The following TSFM variants were observed in gnomAD, a reference collection of about 807,000 sequenced individuals.
TSFM encodes the protein elongation factor Ts, mitochondrial.
In TSFM, 29 loss-of-function variants were observed where a neutral mutation model predicts 33.4. That is an observed-to-expected ratio of 0.87 (90% confidence interval 0.65 to 1.18). The LOEUF is 1.18. Ranked by LOEUF, TSFM falls within the 50% of genes most tolerant of loss-of-function variation. The pLI is 0.00. For synonymous variants in TSFM, 178 were observed against 163.5 expected (o/e 1.09, Z -0.68); for missense variants, 394 against 395.6 (o/e 1.00, Z 0.04).
downstream of TSFM, chr12:57,801,157 A>C (rs769090713): frequency 6.2e-7 from 1 of 1,613,720 alleles, no homozygotes; most frequent in Non-Finnish European, 8.5e-7. Flanking sequence ...AGTGATTCGC[A>C]TGATAGCAGC....
chr12:57,790,174 G>A (rs1376552538), intron 4 of TSFM, among the ~76,000 whole-genome samples: 1 of 148,618 alleles, frequency 6.7e-6, no homozygotes, highest in Non-Finnish European at 1.5e-5. Flanking sequence ...GGTTCAAGCA[G>A]TTCTCCTGCC....
intron 2 of TSFM, among the ~76,000 whole-genome samples, chr12:57,785,280 T>C (rs1343860891): frequency 6.6e-6 from 1 of 152,080 alleles, no homozygotes; most frequent in African/African-American, 2.4e-5. Context: ...CACAAACACA[T>C]ACATTAGCCT....
downstream of TSFM, chr12:57,798,024 G>C (rs1366067137): frequency 8.5e-6 from 13 of 1,525,126 alleles, no homozygotes; most frequent in African/African-American, 1.5e-4. Context: ...TTTCTAGTTA[G>C]AAGGAAGACA....
At position 57,797,319 on chromosome 12, in the gene TSFM, C is replaced by G; in HGVS notation, c.*736C>G. On this transcript the variant is annotated 3_prime_UTR_variant, in exon 6 of 6. Transcript: ENST00000652027. ...CTTCCCCAGTACTGAAACATTTCTT[C>G]AAGTATAACATAAAATTACCGTAAC... The G allele has an allele frequency of 1.0e-6, 1 of 985,350 alleles. No individual in the cohort carries two copies. Among genetic ancestry groups the G allele is most frequent in the Non-Finnish European group, 1.2e-6 (1 of 829,922 alleles). 61.0% of individuals were successfully genotyped at this position (985,350 alleles called of 1,614,324 possible). A position where few individuals can be genotyped will look rare whatever the true frequency, so the allele number is the denominator to read the frequency against.
intron 4 of TSFM, among the ~76,000 whole-genome samples, chr12:57,787,953 G>C (rs1038919689): frequency 2.0e-5 from 3 of 152,076 alleles, no homozygotes; most frequent in African/African-American, 7.2e-5. Context: ...AAAAGACATG[G>C]TTTAGGAAAA....
In TSFM at chr12:57,787,087, G is replaced by T. The variant is rs144109380; in HGVS notation, c.408G>T (p.Leu136=). Residue 136 remains leucine (L), a synonymous_variant, in exon 4 of 6, where the codon CTG becomes CTT. Transcript: ENST00000652027. ...DFVSRNLKFQ[L]LVQQVALGTM... ...TTTCTAGAAATTTAAAATTTCAACT[G>T]TTGGTCCAGCAAGTAGCCCTTGGAA... 2 of 1,612,396 alleles carry T rather than the reference G, an allele frequency of 1.2e-6. No homozygotes were observed. Among genetic ancestry groups the T allele is most frequent in the African/African-American group, 1.3e-5 (1 of 74,888 alleles).
intron 2 of TSFM, chr12:57,784,246 G>A: frequency 1.5e-6 from 1 of 653,088 alleles, no homozygotes; most frequent in South Asian, 1.7e-5. Context: ...CATCTCCATA[G>A]GGAACTTATC....
At chr12:57,789,451 C>A (rs1955633573) in intron 4 of TSFM, among the ~76,000 whole-genome samples, 1 of 152,130 alleles carries the variant, frequency 6.6e-6, no homozygotes, top group East Asian at 1.9e-4. Context: ...GCAACCTTCA[C>A]CTCCTGGGTT....
chr12:57,791,924 C>G (rs1955667228), intron 4 of TSFM: 2 of 377,740 alleles, frequency 5.3e-6, no homozygotes, highest in South Asian at 3.9e-5. Flanking sequence ...AAATCTAGCT[C>G]TAACATTTTA....
downstream of TSFM, among the ~76,000 whole-genome samples, chr12:57,799,239 C>T (rs769932872): frequency 2.6e-5 from 4 of 151,968 alleles, no homozygotes; most frequent in South Asian, 2.1e-4. Context: ...TTTTCAGGCA[C>T]GAACACTAGC....
chr12:57,789,549 A>G (rs565324282), intron 4 of TSFM, among the ~76,000 whole-genome samples: 1 of 151,854 alleles, frequency 6.6e-6, no homozygotes, highest in African/African-American at 2.4e-5. Flanking sequence ...TGTTTTTAGT[A>G]GAAATGGGGT....
intron 5 of TSFM, among the ~76,000 whole-genome samples, chr12:57,794,210 G>A (rs771857493): frequency 9.2e-5 from 14 of 152,210 alleles, no homozygotes; most frequent in Non-Finnish European, 1.5e-4. Context: ...AGCCTTGTCA[G>A]TTTCTGGGAA....
chr12:57,782,828 G>T lies in TSFM; in HGVS notation c.27G>T (p.Val9=), dbSNP rs1394062602. The T allele has an allele frequency of 6.9e-6, 11 of 1,596,534 alleles. No individual in the cohort carries two copies. Among genetic ancestry groups the T allele is most frequent in the Non-Finnish European group, 9.4e-6 (11 of 1,172,398 alleles). ...TGTCGCTGCTGCGGTCGCTGCGCGT[G>T]TTTCTGGTCGCGCGGACCGGGAGCT... is the stretch of plus-strand genomic sequence containing the variant. The part of the protein sequence containing the change: MSLLRSLR[V]FLVARTGSYP... Residue 9 remains valine (V), a synonymous_variant, in exon 1 of 6, where the codon GTG becomes GTT. Transcript: ENST00000652027.
chr12:57,793,106 A>T (rs1955685880), intron 5 of TSFM, 33 bp downstream of exon 5: 2 of 1,561,760 alleles, frequency 1.3e-6, no homozygotes, highest in Non-Finnish European at 1.8e-6. Context: ...GAAACTGGAA[A>T]TTAGGGACTG....
At chr12:57,783,718 T>C (rs1955547854) in intron 2 of TSFM, 3 of 578,916 alleles carry the variant, frequency 5.2e-6, no homozygotes, top group South Asian at 5.0e-5. Context: ...CTCAGCCTCC[T>C]GAGTAGTTGG....
chr12:57,798,962 A>G (rs1046766566), downstream of TSFM, among the ~76,000 whole-genome samples: 2 of 152,136 alleles, frequency 1.3e-5, no homozygotes, highest in Admixed American at 1.3e-4. Context: ...TTCACGCAAA[A>G]CTTAAGAATA....
At chr12:57,801,618 T>C (rs1410991239), downstream of TSFM, among the ~76,000 whole-genome samples, 1 of 152,140 alleles carries the variant, frequency 6.6e-6, no homozygotes, top group Non-Finnish European at 1.5e-5. Context: ...TGCATGCCTA[T>C]AATCCCAGCT....
downstream of TSFM, among the ~76,000 whole-genome samples, chr12:57,799,609 T>A (rs1342232137): frequency 1.3e-5 from 2 of 152,180 alleles, no homozygotes; most frequent in African/African-American, 4.8e-5. Context: ...GCTGATAGAC[T>A]GATGTAGGTG....
intron 4 of TSFM, among the ~76,000 whole-genome samples, chr12:57,789,467 A>T (rs1171242912): frequency 6.6e-6 from 1 of 152,094 alleles, no homozygotes; most frequent in Non-Finnish European, 1.5e-5. Context: ...GGGTTCGAGC[A>T]ATTCTTATGC....
Sources: gnomAD v4.1 joint callset for allele counts (sites outside exome capture counted in the v4.1 genomes callset) on GRCh38, gnomAD v4.1.1 for gene constraint, MANE v1.5 for transcripts, NCBI Gene and HGNC (gene_info 2026-07-23, HGNC 2026-07-21) for gene names.